RHOQ: variants seen among roughly 807,000 people sequenced by gnomAD.
RHOQ encodes rho-related GTP-binding protein RhoQ.
RHOQ carries 7 observed loss-of-function variants against 25.8 expected under a neutral mutation model. The observed-to-expected ratio is 0.27, with a 90% CI of 0.15 to 0.51. The LOEUF is 0.51. Ranked by LOEUF, RHOQ falls within the 20% of genes least tolerant of loss-of-function variation. RHOQ has a pLI of 0.97. For synonymous variants in RHOQ, 97 were observed against 98.6 expected (o/e 0.98, Z 0.10); for missense variants, 165 against 260.6 (o/e 0.63, Z 2.53).
At chr2:46,572,107 GTTT>G (rs746265771) in intron 2 of RHOQ, among the ~76,000 whole-genome samples, 1 of 66,254 alleles carries the variant, frequency 1.5e-5, no homozygotes, top group African/African-American at 8.4e-5. Context: ...GTAAGTGTGT[GTTT>G]TTTTTTTTTT....
intron 2 of RHOQ, among the ~76,000 whole-genome samples, chr2:46,553,584 C>CT (rs895092851): frequency 1.0e-3 from 150 of 145,312 alleles, no homozygotes; most frequent in Non-Finnish European, 1.1e-3. Flanking sequence ...CTTTTTCGAA[C>CT]TTTTTTTTTT....
At chr2:46,575,399 TCACACACACACA>T (rs56002979) in intron 2 of RHOQ, among the ~76,000 whole-genome samples, 115 of 138,322 alleles carry the variant, frequency 8.3e-4, no homozygotes, top group African/African-American at 1.8e-3. Flanking sequence ...CTTTAAATCT[TCACACACACACA>T]CACACACACA....
At chr2:46,546,887 A>C (rs1278903244) in intron 2 of RHOQ, among the ~76,000 whole-genome samples, 1 of 152,092 alleles carries the variant, frequency 6.6e-6, no homozygotes, top group African/African-American at 2.4e-5. Flanking sequence ...AGAATGCCAG[A>C]TCCTAGAACC....
intron 2 of RHOQ, among the ~76,000 whole-genome samples, chr2:46,559,078 T>C (rs1018855700): frequency 5.3e-5 from 8 of 152,164 alleles, no homozygotes; most frequent in African/African-American, 1.9e-4. Context: ...CTCAGCTTCC[T>C]GAGTAGTTGG....
chr2:46,543,127 G>C lies in RHOQ; in HGVS notation c.81G>C (p.Met27Ile), dbSNP rs1455366268. The change falls in exon 1 of 5, where the codon ATG becomes ATC. Residue 27 changes from methionine (M) to isoleucine (I), a missense_variant. Met to Ile is a conservative substitution (Grantham distance 10). Transcript: ENST00000238738. ...DGAVGKTCLL[M>I]SYANDAFPEE... ...CGGTGGGCAAGACGTGCCTACTCAT[G>C]AGCTATGCCAACGACGCCTTCCCGG... The C allele has an allele frequency of 1.2e-6, 2 of 1,612,026 alleles. No individual in the cohort carries two copies. The highest frequency in any genetic ancestry group is 2.2e-5 in the South Asian group (2 of 90,980).
At chr2:46,559,083 A>T (rs1049217977) in intron 2 of RHOQ, among the ~76,000 whole-genome samples, 1 of 152,114 alleles carries the variant, frequency 6.6e-6, no homozygotes, top group African/African-American at 2.4e-5. Flanking sequence ...CTTCCTGAGT[A>T]GTTGGGACTA....
intron 2 of RHOQ, among the ~76,000 whole-genome samples, chr2:46,563,447 T>C (rs1422924439): frequency 6.6e-6 from 1 of 152,210 alleles, no homozygotes; most frequent in Non-Finnish European, 1.5e-5. Context: ...ATGAGGCTAT[T>C]TGTTTTGTGA....
chr2:46,552,179 T>C lies in RHOQ; in HGVS notation c.201+8367T>C, dbSNP rs1335172266. Among the ~76,000 whole-genome samples the C allele has an allele frequency of 6.6e-6, 1 of 152,228 alleles. No homozygotes were observed. The highest frequency in any genetic ancestry group is 1.5e-5 in the Non-Finnish European group (1 of 68,030). On this transcript the variant is annotated intron_variant, in intron 2 of 4. Coordinates refer to ENST00000238738, the MANE Select transcript of RHOQ (RefSeq NM_012249.4). This position sits in a 1 kb window ranked among gnomAD's most constrained non-coding sequence, Gnocchi z 5.0. ...AGGTGGAACACGTAGGGACGGCTGC[T>C]AAAACGGCTCCTACAAAGACTTCTG... is the stretch of plus-strand genomic sequence containing the variant.
intron 4 of RHOQ, chr2:46,577,220 T>C (rs1669158640): frequency 6.6e-6 from 1 of 152,182 alleles, no homozygotes; most frequent in Non-Finnish European, 1.5e-5. Flanking sequence ...ACAAAAATTC[T>C]AAAAATATAT....
Position 46,543,130 on chromosome 2 carries a change from C to T in RHOQ, c.84C>T (p.Ser28=), listed in dbSNP as rs781703124. The change falls in exon 1 of 5, where the codon AGC becomes AGT. Residue 28 remains serine, a synonymous_variant. Transcript: ENST00000238738. ...GAVGKTCLLM[S]YANDAFPEEY... ...TGGGCAAGACGTGCCTACTCATGAG[C>T]TATGCCAACGACGCCTTCCCGGAGG... is the stretch of plus-strand genomic sequence containing the variant. 8 of 1,611,934 alleles carry T rather than the reference C, an allele frequency of 5.0e-6. No homozygotes were observed. Among genetic ancestry groups the T allele is most frequent in the Non-Finnish European group, 6.8e-6 (8 of 1,179,302 alleles).
intron 4 of RHOQ, among the ~76,000 whole-genome samples, chr2:46,579,430 A>T (rs549443867): frequency 6.6e-6 from 1 of 152,258 alleles, no homozygotes; most frequent in Admixed American, 6.5e-5. Context: ...TCTTTCCTAA[A>T]TTCTCAATTT....
intron 2 of RHOQ, among the ~76,000 whole-genome samples, chr2:46,546,485 T>TCC (rs1668061703): frequency 3.5e-5 from 1 of 28,272 alleles, no homozygotes; most frequent in Admixed American, 4.6e-4. Flanking sequence ...TGTATATATA[T>TCC]ATATATATAT....
Position 46,581,868 on chromosome 2 carries a change from T to G in RHOQ, c.*785T>G, listed in dbSNP as rs1478005406. On this transcript the variant is annotated 3_prime_UTR_variant, in exon 5 of 5. Transcript: ENST00000238738. ...ATGCTAAAATTACAAATTAAAATTT[T>G]GGGTCAGACTTTGCCATAATGATAG... 1 of 291,354 alleles carries G rather than the reference T, an allele frequency of 3.4e-6. No individual in the cohort carries two copies. The highest frequency in any genetic ancestry group is 2.2e-5 in the African/African-American group (1 of 44,646). 18.0% of individuals were successfully genotyped at this position (291,354 alleles called of 1,614,324 possible).
rs775617901 is a variant in RHOQ at position 46,552,457 on chromosome 2, C to G, written c.201+8645C>G. Among the ~76,000 whole-genome samples, 8 of 152,230 alleles carry G rather than the reference C, an allele frequency of 5.3e-5. No individual in the cohort carries two copies. Among genetic ancestry groups the G allele is most frequent in the Non-Finnish European group, 1.0e-4 (7 of 68,044 alleles). ...CGTTTGTGTCCCATGGGGGCTACCT[C>G]AGGCCTTTCCTTTCTCCCTTCAAGG... On this transcript the variant is annotated intron_variant, in intron 2 of 4. Transcript: ENST00000238738. This position sits in a 1 kb window ranked among gnomAD's most constrained non-coding sequence, Gnocchi z 5.0.
At chr2:46,572,114 T>TTTTTTG (rs1668942124) in intron 2 of RHOQ, among the ~76,000 whole-genome samples, 1 of 132,710 alleles carries the variant, frequency 7.5e-6, no homozygotes, top group Non-Finnish European at 1.6e-5. Context: ...TGTGTTTTTT[T>TTTTTTG]TTTTTTTTTT....
Position 46,543,011 on chromosome 2 carries a change from C to T in RHOQ, c.-36C>T, listed in dbSNP as rs1667878437. 4 of 1,501,328 alleles carry T rather than the reference C, an allele frequency of 2.7e-6. No individual in the cohort carries two copies. In the East Asian group the frequency reaches 1.1e-4, roughly 41 times the overall value. The allele number at this position is 1,501,328 out of a possible 1,614,324, so 93.0% of individuals were successfully genotyped here. A position where few individuals can be genotyped will look rare whatever the true frequency, so the allele number is the denominator to read the frequency against. On this transcript the variant is annotated 5_prime_UTR_variant, in exon 1 of 5. Coordinates refer to ENST00000238738, the MANE Select transcript of RHOQ (RefSeq NM_012249.4). ...GAGCCCGGGGCCGGGGCGGGGGCTC[C>T]GGGGGGACCATGCCCGGAGGCCGGC...
At position 46,583,652 on chromosome 2, in the gene RHOQ, A is replaced by G. The variant is rs969725669; in HGVS notation, c.*2569A>G. 6.6e-6 allele frequency among the ~76,000 whole-genome samples: 1 copy of G among 152,184 alleles called. No homozygotes were observed. Among genetic ancestry groups the G allele is most frequent in the Admixed American group, 6.5e-5 (1 of 15,278 alleles). On this transcript the variant is annotated 3_prime_UTR_variant, in exon 5 of 5. Transcript: ENST00000238738. The stretch of plus-strand genomic sequence containing the variant: ...AAAGATTTGTTTTCTATTGATAAGC[A>G]GACTAGAGAAAAACTGCCTTATTTT...
At chr2:46,561,043 A>AC (rs1668560765) in intron 2 of RHOQ, among the ~76,000 whole-genome samples, 1 of 144,398 alleles carries the variant, frequency 6.9e-6, no homozygotes, top group Non-Finnish European at 1.5e-5. Context: ...CACACACACA[A>AC]AACCTGTATA....
intron 2 of RHOQ, among the ~76,000 whole-genome samples, chr2:46,550,378 A>G (rs184917820): frequency 5.3e-5 from 8 of 152,372 alleles, no homozygotes; most frequent in African/African-American, 1.4e-4. Context: ...CTAATACAGT[A>G]GAAGTCTTTA....
Sources: gnomAD v4.1 joint callset for allele counts (sites outside exome capture counted in the v4.1 genomes callset) on GRCh38, gnomAD v4.1.1 for gene constraint, Gnocchi (gnomAD v3.1) non-coding constraint, MANE v1.5 for transcripts, NCBI Gene and HGNC (gene_info 2026-07-23, HGNC 2026-07-21) for gene names.